FSTL4: variants seen among roughly 807,000 people sequenced by gnomAD.
FSTL4 encodes follistatin like 4, also known as follistatin-related protein 4.
Under a neutral mutation model 78.2 loss-of-function variants are expected in FSTL4, and 28 were observed. The observed-to-expected ratio is 0.36, with a 90% CI of 0.27 to 0.49. The LOEUF (loss-of-function observed/expected upper bound fraction) is 0.49, where lower values mean the gene tolerates loss of function less well. Ranked by LOEUF, FSTL4 falls within the 20% of genes least tolerant of loss-of-function variation. The pLI, the probability that FSTL4 is intolerant of heterozygous loss-of-function variation, is 0.98. For synonymous variants in FSTL4, 422 were observed against 440.5 expected (o/e 0.96, Z 0.53); for missense variants, 922 against 1,084.9 (o/e 0.85, Z 2.11).
chr5:133,554,800 T>C (rs1759755824), intron 3 of FSTL4, among the ~76,000 whole-genome samples: 1 of 152,128 alleles, frequency 6.6e-6, no homozygotes, highest in Admixed American at 6.5e-5. Flanking sequence ...AGTGAGAGGT[T>C]TGGATTGGAG....
intron 11 of FSTL4, among the ~76,000 whole-genome samples, chr5:133,222,879 C>T (rs2126790679): frequency 6.6e-6 from 1 of 152,324 alleles, no homozygotes; most frequent in South Asian, 2.1e-4. Context: ...GGCTCCTTAT[C>T]CCTATCTCCA....
At chr5:133,574,805 G>A (rs182750737) in intron 2 of FSTL4, 2 of 152,290 alleles carry the variant, frequency 1.3e-5, no homozygotes, top group East Asian at 3.9e-4. Context: ...ATAGCGCTGA[G>A]GGAAAGAAAG....
At chr5:133,608,135 G>A (rs1380141320) in intron 1 of FSTL4, among the ~76,000 whole-genome samples, 1 of 152,134 alleles carries the variant, frequency 6.6e-6, no homozygotes, top group African/African-American at 2.4e-5. Context: ...CCATCCATAA[G>A]GTCACAAATC....
intron 13 of FSTL4, among the ~76,000 whole-genome samples, chr5:133,216,407 C>T (rs1042498102): frequency 4.9e-5 from 7 of 141,980 alleles, no homozygotes; most frequent in African/African-American, 1.2e-4. Flanking sequence ...TCTCCTGCCT[C>T]GGCCTCCCGT....
intron 4 of FSTL4, among the ~76,000 whole-genome samples, chr5:133,342,197 A>T (rs1199482496): frequency 6.6e-6 from 1 of 152,132 alleles, no homozygotes; most frequent in Non-Finnish European, 1.5e-5. Flanking sequence ...GAATGGCAGC[A>T]TTGGCAGGAG....
At chr5:133,226,669 T>C (rs560114809) in intron 8 of FSTL4, among the ~76,000 whole-genome samples, 2 of 152,348 alleles carry the variant, frequency 1.3e-5, no homozygotes, top group Admixed American at 6.5e-5. Flanking sequence ...TAAACATACC[T>C]GCATATTAAA....
intron 3 of FSTL4, among the ~76,000 whole-genome samples, chr5:133,544,761 G>C (rs144012419): frequency 2.0e-3 from 303 of 152,350 alleles, no homozygotes; most frequent in Middle Eastern, 0.01. Flanking sequence ...AGCCTGAATA[G>C]GGTTTCTCTT....
intron 4 of FSTL4, among the ~76,000 whole-genome samples, chr5:133,351,005 A>G (rs1463593451): frequency 6.6e-6 from 1 of 152,212 alleles, no homozygotes; most frequent in Non-Finnish European, 1.5e-5. Context: ...TTTTGTTACT[A>G]AAGGAGGAGG....
chr5:133,615,296 G>GT (rs539681508), upstream of FSTL4, among the ~76,000 whole-genome samples: 69 of 152,340 alleles, frequency 4.5e-4, 1 homozygote, highest in Admixed American at 2.0e-3. Context: ...ATAATTTAAC[G>GT]TTCTGCTGCC....
Position 133,373,516 on chromosome 5 carries a change from AAC to A in FSTL4, c.409+27220_409+27221del, listed in dbSNP as rs763472709. 7.2e-5 allele frequency among the ~76,000 whole-genome samples: 11 copies of A among 152,256 alleles called. 1 individual carries two copies. Among genetic ancestry groups the A allele is most frequent in the Non-Finnish European group, 1.6e-4 (11 of 68,036 alleles). On this transcript the variant is annotated intron_variant, in intron 4 of 15. Transcript: ENST00000265342. The stretch of plus-strand genomic sequence containing the variant: ...TCCACTGGATGCACATACAAGAAGG[AAC>A]CAGTGTGAACAGGCGGCAGCACCAA...
chr5:133,255,944 G>C (rs1234335675), intron 6 of FSTL4, among the ~76,000 whole-genome samples: 3 of 152,138 alleles, frequency 2.0e-5, no homozygotes, highest in Non-Finnish European at 4.4e-5. Context: ...TCTCAAACAG[G>C]ATTCTGGTGC....
At chr5:133,344,967 A>AAT (rs1754665272) in intron 4 of FSTL4, among the ~76,000 whole-genome samples, 1 of 119,908 alleles carries the variant, frequency 8.3e-6, no homozygotes, top group African/African-American at 3.4e-5. Context: ...CCATGCCCCC[A>AAT]CTTTTTTTTT....
Position 133,499,261 on chromosome 5 carries a change from G to A in FSTL4, c.160+67925C>T, listed in dbSNP as rs184046837. On this transcript the variant is annotated intron_variant, in intron 3 of 15. Transcript: ENST00000265342. ...GGCTGGTTTAGCTCAAATCTCTGGA[G>A]GGATCTGACCATTTGAACAGAGCCC... Among the ~76,000 whole-genome samples, 1,063 of 152,050 alleles carry A rather than the reference G, an allele frequency of 7.0e-3. 5 individuals are homozygous for A. Among genetic ancestry groups the A allele is most frequent in the South Asian group, 0.013 (63 of 4,796 alleles).
chr5:133,259,903 G>A (rs1055031375), intron 6 of FSTL4, among the ~76,000 whole-genome samples: 2 of 152,112 alleles, frequency 1.3e-5, no homozygotes, highest in African/African-American at 2.4e-5. Context: ...GGCTGGGAGG[G>A]GAGGTCCAGG....
At chr5:133,532,685 G>A (rs2112910573) in intron 3 of FSTL4, among the ~76,000 whole-genome samples, 2 of 152,274 alleles carry the variant, frequency 1.3e-5, no homozygotes, top group African/African-American at 4.8e-5. Flanking sequence ...AATGTACATT[G>A]CACGGTAAAC....
chr5:133,725,886 G>A, the FSTL4 span, among the ~76,000 whole-genome samples: 5 of 152,158 alleles, frequency 3.3e-5, no homozygotes, highest in African/African-American at 1.2e-4. Context: ...CAAGAGGGCA[G>A]GGTCTGGATC....
intron 6 of FSTL4, among the ~76,000 whole-genome samples, chr5:133,305,979 G>A (rs544308126): frequency 6.6e-5 from 10 of 152,316 alleles, no homozygotes; most frequent in Middle Eastern, 3.4e-3. Flanking sequence ...GGGCGGACCT[G>A]CTGGCCTTCC....
the FSTL4 span, among the ~76,000 whole-genome samples, chr5:133,620,377 T>C: frequency 6.6e-6 from 1 of 152,226 alleles, no homozygotes; most frequent in Non-Finnish European, 1.5e-5. Context: ...TAATTGTCAC[T>C]CTATTTTTCT....
intron 4 of FSTL4, among the ~76,000 whole-genome samples, chr5:133,397,092 T>G (rs1025967171): frequency 1.3e-4 from 20 of 152,208 alleles, no homozygotes; most frequent in Admixed American, 5.2e-4. Context: ...TGGTGAGTGA[T>G]TGCTGAAAGG....
Sources: allele counts gnomAD v4.1 joint callset (sites outside exome capture counted in the v4.1 genomes callset), GRCh38; gene constraint gnomAD v4.1.1; transcripts MANE v1.5; gene names NCBI Gene and HGNC (gene_info 2026-07-23, HGNC 2026-07-21).